The following RPS6KC1 variants were observed in gnomAD, a reference collection of about 807,000 sequenced individuals.
The protein encoded by RPS6KC1 is inactive ribosomal protein S6 kinase delta-1.
In RPS6KC1, 54 loss-of-function variants were observed where a neutral mutation model predicts 103.8. The ratio of observed to expected loss-of-function variants is 0.52; its 90% confidence interval spans 0.42 to 0.65. The LOEUF is 0.65. Among genes scored for constraint, RPS6KC1 ranks in the 30% least tolerant of loss-of-function variants. The pLI is 0.00. For synonymous variants in RPS6KC1, 439 were observed against 438.7 expected (o/e 1.00, Z -0.01); for missense variants, 1,151 against 1,253.8 (o/e 0.92, Z 1.24).
At chr1:213,560,001 CAGAAG>C in the RPS6KC1 span, among the ~76,000 whole-genome samples, 1 of 152,118 alleles carries the variant, frequency 6.6e-6, no homozygotes, top group Admixed American at 6.5e-5. Context: ...CGGATGCTGA[CAGAAG>C]AGATGATGAA....
intron 8 of RPS6KC1, among the ~76,000 whole-genome samples, chr1:213,189,276 T>G (rs1259166847): frequency 1.3e-5 from 2 of 151,812 alleles, no homozygotes; most frequent in African/African-American, 2.4e-5. Flanking sequence ...TGGTGAAACC[T>G]TGTCTCTACT....
At chr1:213,222,091 G>C (rs1409416101) in intron 8 of RPS6KC1, among the ~76,000 whole-genome samples, 1 of 152,180 alleles carries the variant, frequency 6.6e-6, no homozygotes, top group African/African-American at 2.4e-5. Flanking sequence ...AGCGACTTCT[G>C]ATGAGCTAAA....
intron 1 of RPS6KC1, among the ~76,000 whole-genome samples, chr1:213,069,027 T>A (rs971317093): frequency 4.6e-5 from 7 of 151,892 alleles, no homozygotes; most frequent in Non-Finnish European, 1.0e-4. Flanking sequence ...CATGGCACTC[T>A]AGCCTAGGTG....
At chr1:213,744,618 A>G in the RPS6KC1 span, among the ~76,000 whole-genome samples, 1 of 152,154 alleles carries the variant, frequency 6.6e-6, no homozygotes, top group Non-Finnish European at 1.5e-5. Context: ...GGATGAATCC[A>G]ATGATCTCTA....
At chr1:213,610,551 G>A in the RPS6KC1 span, among the ~76,000 whole-genome samples, 1 of 152,086 alleles carries the variant, frequency 6.6e-6, no homozygotes, top group Non-Finnish European at 1.5e-5. Flanking sequence ...CCTGACCCCT[G>A]GCCATCTTAG....
the RPS6KC1 span, among the ~76,000 whole-genome samples, chr1:213,824,847 A>G: frequency 1.3e-5 from 2 of 152,194 alleles, no homozygotes; most frequent in Admixed American, 6.5e-5. Context: ...GTATGTTTTT[A>G]TCAGCAGTAT....
Position 213,129,606 on chromosome 1 carries a change from C to T in RPS6KC1, c.552C>T (p.Ser184=), listed in dbSNP as rs571982253. 3.7e-6 allele frequency: 6 copies of T among 1,613,956 alleles called. No homozygotes were observed. The African/African-American group carries it at 4.0e-5, about 11-fold the overall frequency. ...CTGAGTTAGATGATGGAATGGCTTC[C>T]AATCAAAATTCTCCCATTAGAACTT... The part of the protein sequence containing the change: ...SLAELDDGMA[S]NQNSPIRTFG... The change falls in exon 6 of 15, where the codon TCC becomes TCT. Residue 184 remains serine, a synonymous_variant. Transcript: ENST00000366960.
At chr1:213,400,587 G>C in the RPS6KC1 span, among the ~76,000 whole-genome samples, 13 of 152,068 alleles carry the variant, frequency 8.5e-5, no homozygotes, top group Non-Finnish European at 1.3e-4. Context: ...GGTGACTTGC[G>C]CAAGGTCCTA....
chr1:213,565,544 C>T, the RPS6KC1 span, among the ~76,000 whole-genome samples: 11 of 152,058 alleles, frequency 7.2e-5, no homozygotes, highest in Admixed American at 1.3e-4. Flanking sequence ...GCAACTCTAG[C>T]GCAATAAAAC....
At chr1:213,645,737 C>G in the RPS6KC1 span, among the ~76,000 whole-genome samples, 1 of 152,288 alleles carries the variant, frequency 6.6e-6, no homozygotes, top group African/African-American at 2.4e-5. Flanking sequence ...CCACCCAACC[C>G]TGCAAATCGG....
At chr1:213,337,188 C>T in the RPS6KC1 span, among the ~76,000 whole-genome samples, 10 of 152,308 alleles carry the variant, frequency 6.6e-5, no homozygotes, top group Admixed American at 2.6e-4. Flanking sequence ...TTGCCCTCTT[C>T]CCTGCATCCT....
In RPS6KC1 at chr1:213,072,887, C is replaced by G. The variant is rs540015115; in HGVS notation, c.141+1846C>G. 8.2e-6 allele frequency: 8 copies of G among 970,444 alleles called. No homozygotes were observed. In the Admixed American group the frequency reaches 4.9e-4, roughly 60 times the overall value. 60.1% of individuals were successfully genotyped at this position (970,444 alleles called of 1,614,324 possible). A position where few individuals can be genotyped will look rare whatever the true frequency, so the allele number is the denominator to read the frequency against. On this transcript the variant is annotated intron_variant, in intron 2 of 14. Transcript: ENST00000366960. ...TTTTCCAGGGAGAATCCTGAACCAA[C>G]CTATCCATGAACATACTCTCTGCCA... is the stretch of plus-strand genomic sequence containing the variant.
chr1:213,065,568 CCGTTTTGGGGGA>C (rs2078259516), intron 1 of RPS6KC1, among the ~76,000 whole-genome samples: 1 of 152,122 alleles, frequency 6.6e-6, no homozygotes, highest in Non-Finnish European at 1.5e-5. Context: ...GTTTTCGTTT[CCGTTTTGGGGGA>C]CACATTTGTG....
chr1:213,070,926 A>G, intron 1 of RPS6KC1, 80 bp from the exon 2 acceptor site: 3 of 850,908 alleles, frequency 3.5e-6, no homozygotes, highest in Non-Finnish European at 5.5e-6. Flanking sequence ...TCATACAAAT[A>G]CTATTGGAAG....
chr1:213,600,582 A>G, the RPS6KC1 span, among the ~76,000 whole-genome samples: 2 of 152,228 alleles, frequency 1.3e-5, no homozygotes, highest in African/African-American at 2.4e-5. Flanking sequence ...TACAAAGCCC[A>G]TGGTGACAAG....
At chr1:213,519,664 C>G in the RPS6KC1 span, among the ~76,000 whole-genome samples, 1 of 152,158 alleles carries the variant, frequency 6.6e-6, no homozygotes, top group African/African-American at 2.4e-5. Flanking sequence ...ATCCTCTCCC[C>G]TGCATACAGT....
At chr1:213,417,192 C>T in the RPS6KC1 span, among the ~76,000 whole-genome samples, 17 of 152,142 alleles carry the variant, frequency 1.1e-4, no homozygotes, top group Non-Finnish European at 2.2e-4. Context: ...GGGCCCCAAC[C>T]GCTTCCAGAG....
At chr1:213,089,751 C>T (rs1318477270) in intron 3 of RPS6KC1, among the ~76,000 whole-genome samples, 10 of 152,170 alleles carry the variant, frequency 6.6e-5, no homozygotes, top group Admixed American at 3.3e-4. Flanking sequence ...CGTGAGCCAC[C>T]GCGCCCGGCC....
the RPS6KC1 span, among the ~76,000 whole-genome samples, chr1:213,680,829 A>C: frequency 6.6e-6 from 1 of 152,184 alleles, no homozygotes; most frequent in Non-Finnish European, 1.5e-5. Flanking sequence ...GACATGTTGC[A>C]CAGACACTCA....
Sources: gnomAD v4.1 joint callset for allele counts (sites outside exome capture counted in the v4.1 genomes callset) on GRCh38, gnomAD v4.1.1 for gene constraint, MANE v1.5 for transcripts, NCBI Gene and HGNC (gene_info 2026-07-23, HGNC 2026-07-21) for gene names.